The following GAPVD1 variants were observed in gnomAD, a reference collection of about 807,000 sequenced individuals.
The protein encoded by GAPVD1 is GTPase-activating protein and VPS9 domain-containing protein 1.
In GAPVD1, 35 loss-of-function variants were observed where a neutral mutation model predicts 155.5. The ratio of observed to expected loss-of-function variants is 0.23; its 90% CI spans 0.17 to 0.30. GAPVD1 has a LOEUF of 0.30. GAPVD1 is among the 10% of genes least tolerant of loss of function. The pLI is 1.00. For synonymous variants in GAPVD1, 636 were observed against 619.7 expected (o/e 1.03, Z -0.39); for missense variants, 1,429 against 1,775.7 (o/e 0.80, Z 3.51).
At chr9:125,351,109 T>C (rs556240649) in intron 23 of GAPVD1, among the ~76,000 whole-genome samples, 1 of 152,254 alleles carries the variant, frequency 6.6e-6, no homozygotes, top group South Asian at 2.1e-4. Flanking sequence ...CTGGGAGGCC[T>C]CACAATCATG....
Position 125,344,081 on chromosome 9 carries a change from AAGC to A in GAPVD1, c.3046+1785_3046+1787del, listed in dbSNP as rs544737221. ...AATTTATTTTCTTTGGCTGTGATTCAAGCAGATTAGCTTCCTTACTGGTCCAGA... is the reference window on the plus strand; with the variant it reads ...AATTTATTTTCTTTGGCTGTGATTCAAGATTAGCTTCCTTACTGGTCCAGA... On this transcript the variant is annotated intron_variant, in intron 19 of 27. Transcript: ENST00000297933. Among the ~76,000 whole-genome samples the A allele has an allele frequency of 1.3e-3, 194 of 152,330 alleles. 3 individuals are homozygous for A. The highest frequency in any genetic ancestry group is 0.012 in the Admixed American group (188 of 15,300).
chr9:125,354,612 A>G (rs1849794624), intron 23 of GAPVD1, 42 bp from the exon 24 acceptor site: 1 of 1,312,616 alleles, frequency 7.6e-7, no homozygotes, highest in Non-Finnish European at 1.1e-6. Flanking sequence ...GAGAGTATGC[A>G]CTGAATATAT....
At chr9:125,328,656 G>A (rs999461425) in intron 12 of GAPVD1, among the ~76,000 whole-genome samples, 11 of 150,112 alleles carry the variant, frequency 7.3e-5, no homozygotes, top group African/African-American at 2.0e-4. Flanking sequence ...CACCTTTCCC[G>A]CCTTTCTATT....
intron 1 of GAPVD1, among the ~76,000 whole-genome samples, chr9:125,268,036 C>T (rs550228999): frequency 3.3e-5 from 5 of 151,958 alleles, no homozygotes; most frequent in South Asian, 2.1e-4. Flanking sequence ...TGGTGGCTCG[C>T]GCCTGTAATC....
At chr9:125,337,187 T>C in intron 16 of GAPVD1, 34 bp from the exon 17 acceptor site, 5 of 1,611,828 alleles carry the variant, frequency 3.1e-6, no homozygotes, top group Non-Finnish European at 4.2e-6. Context: ...ATATGTTGTG[T>C]CTCAGTTACA....
In GAPVD1 at chr9:125,342,594, G is replaced by A. The variant is rs114786133; in HGVS notation, c.3046+295G>A. ...ACAACTCAACATCTAGTGGGATGAT[G>A]ACACACAGTGCCTTTTAGGAAAGTG... On this transcript the variant is annotated intron_variant, in intron 19 of 27. Transcript: ENST00000297933. 4.5e-3 allele frequency among the ~76,000 whole-genome samples: 680 copies of A among 152,308 alleles called. 5 individuals carry two copies. Among genetic ancestry groups the A allele is most frequent in the African/African-American group, 0.015 (640 of 41,554 alleles).
intron 2 of GAPVD1, among the ~76,000 whole-genome samples, chr9:125,288,506 T>A (rs1234837039): frequency 1.3e-5 from 2 of 152,202 alleles, no homozygotes; most frequent in Non-Finnish European, 2.9e-5. Flanking sequence ...ACCTTTTGTT[T>A]TGAAGCCTCT....
At chr9:125,361,852 T>A (rs1564482397) in intron 27 of GAPVD1, among the ~76,000 whole-genome samples, 1 of 152,250 alleles carries the variant, frequency 6.6e-6, no homozygotes, top group Non-Finnish European at 1.5e-5. Context: ...ATCGTATCAC[T>A]TGTGTGTTGC....
At chr9:125,346,758 C>A in intron 19 of GAPVD1, 61 bp from the exon 20 acceptor site, 1 of 1,288,904 alleles carries the variant, frequency 7.8e-7, no homozygotes, top group Non-Finnish European at 1.1e-6. Context: ...TGGTGTCATA[C>A]TAACATCAGA....
chr9:125,318,618 T>C (rs1257319538), intron 9 of GAPVD1, among the ~76,000 whole-genome samples: 1 of 152,200 alleles, frequency 6.6e-6, no homozygotes, highest in Non-Finnish European at 1.5e-5. Flanking sequence ...AGTTATCTAA[T>C]TTAAAATATT....
At chr9:125,297,791 G>T (rs1424986399) in intron 3 of GAPVD1, among the ~76,000 whole-genome samples, 3 of 152,098 alleles carry the variant, frequency 2.0e-5, no homozygotes, top group African/African-American at 7.2e-5. Context: ...TATTGCCCAG[G>T]CTGGAGTGCA....
rs185418794 is a variant in GAPVD1, at chr9:125,332,448, A to G, written c.2309-62A>G. On this transcript the variant is annotated intron_variant, in intron 14 of 27. Transcript: ENST00000297933. ...ATGTTTCAGTTTCTCCAAATTTCAT[A>G]TACTTTTTGTGTGGATATTTTGTTC... 108 of 1,351,072 alleles carry G rather than the reference A, an allele frequency of 8.0e-5. No individual in the cohort carries two copies. The East Asian group carries it at 2.4e-3, about 30-fold the overall frequency. The allele number at this position is 1,351,072 out of a possible 1,614,324, so 83.7% of individuals were successfully genotyped here.
At chr9:125,277,640 A>C (rs991598872) in intron 2 of GAPVD1, among the ~76,000 whole-genome samples, 2 of 151,984 alleles carry the variant, frequency 1.3e-5, no homozygotes, top group Non-Finnish European at 2.9e-5. Context: ...CTGTTGAATG[A>C]ATGAGTGAAG....
intron 2 of GAPVD1, among the ~76,000 whole-genome samples, chr9:125,282,602 G>A (rs917034854): frequency 2.0e-5 from 3 of 152,136 alleles, no homozygotes; most frequent in Non-Finnish European, 4.4e-5. Context: ...TGGATATGGC[G>A]TCTTGTCTCA....
rs575183401 is a variant in GAPVD1, at chr9:125,328,616, G to A, written c.2033-1462G>A. Among the ~76,000 whole-genome samples, 41 of 149,766 alleles carry A rather than the reference G, an allele frequency of 2.7e-4. No homozygotes were observed. The East Asian group carries it at 7.9e-3, about 29-fold the overall frequency. On this transcript the variant is annotated intron_variant, in intron 12 of 27. Transcript: ENST00000297933. ...TGTCTACTTCTTTCTACACAGACAG[G>A]GCAACCATCCGATTTCTCAATCTTT...
chr9:125,264,193 CTTTTG>C (rs988034153), intron 1 of GAPVD1: 37 of 625,368 alleles, frequency 5.9e-5, no homozygotes, highest in Non-Finnish European at 9.2e-5. Flanking sequence ...TCAGGGTAGT[CTTTTG>C]TTTTGTTTTG....
At position 125,337,718 on chromosome 9, in the gene GAPVD1, G is replaced by A. The variant is rs1308364050; in HGVS notation, c.2877+127G>A. On this transcript the variant is annotated intron_variant, in intron 17 of 27. Coordinates refer to ENST00000297933, the MANE Select transcript of GAPVD1 (RefSeq NM_001282680.3). Reference sequence around the variant, plus strand: ...GAGTAGTCATGATTAAAGATGATTTGTCAATCTATGGGCCCACAACCATAA... The same window carrying A: ...GAGTAGTCATGATTAAAGATGATTTATCAATCTATGGGCCCACAACCATAA... The A allele has an allele frequency of 7.2e-6, 7 of 974,176 alleles. No homozygotes were observed. The African/African-American group carries it at 8.1e-5, about 11-fold the overall frequency. The allele number at this position is 974,176 out of a possible 1,614,324, so 60.3% of individuals were successfully genotyped here.
chr9:125,345,927 A>G (rs1848462764), intron 19 of GAPVD1: 1 of 152,066 alleles, frequency 6.6e-6, no homozygotes, highest in African/African-American at 2.4e-5. Flanking sequence ...TGTTTGTATA[A>G]TTTTTAGAAA....
In GAPVD1 at chr9:125,302,320, A is replaced by G. The variant is rs1309024601; in HGVS notation, c.523A>G (p.Thr175Ala). 2 of 1,613,818 alleles carry G rather than the reference A, an allele frequency of 1.2e-6. No homozygotes were observed. The highest frequency in any genetic ancestry group is 2.7e-5 in the African/African-American group (2 of 74,930). ...CCCTAGGCGACTTTTGAGGAGAGGA[A>G]CTTGTGCCTTCAGCATCTTATTTAA... ...DNPRRLLRRGTCAFSILFKLF... is the reference protein window; with the variant it reads ...DNPRRLLRRGACAFSILFKLF... The change falls in exon 5 of 28, where the codon ACT (threonine) becomes GCT (alanine). Residue 175 changes from threonine (T) to alanine (A), a missense_variant. Around this residue, in one of 4 missense-constraint regions of GAPVD1, gnomAD observed 628 missense variants for 733.4 expected, o/e 0.86. Transcript: ENST00000297933.
Sources: gnomAD v4.1 joint callset for allele counts (sites outside exome capture counted in the v4.1 genomes callset) on GRCh38, gnomAD v4.1.1 for gene constraint, gnomAD v4.1.1 regional missense constraint, MANE v1.5 for transcripts, NCBI Gene and HGNC (gene_info 2026-07-23, HGNC 2026-07-21) for gene names.